POU2F1: variants seen among roughly 807,000 people sequenced by gnomAD.
The protein encoded by POU2F1 is POU domain, class 2, transcription factor 1.
Under a neutral mutation model 84.9 loss-of-function variants are expected in POU2F1, and 16 were observed. That is an observed-to-expected ratio of 0.19 (90% CI 0.13 to 0.29). POU2F1 has a LOEUF of 0.29. Among genes scored for constraint, POU2F1 ranks in the 10% least tolerant of loss-of-function variants. The pLI is 1.00. For synonymous variants in POU2F1, 368 were observed against 368.3 expected (o/e 1.00, Z 0.01); for missense variants, 738 against 942.6 (o/e 0.78, Z 2.84).
chr1:167,376,076 ACAG>A lies in POU2F1; in HGVS notation c.640_642del (p.Gln214del), dbSNP rs1660308240. On this transcript the variant is annotated inframe_deletion, in exon 7 of 16. Coordinates refer to ENST00000367866, the MANE Select transcript of POU2F1 (RefSeq NM_002697.4). ...TTCAACAGCAGAATCTCAACCTGCA[ACAG>A]TTTGTGTTGGTGCATCCAACCACCA... 4 of 1,614,096 alleles carry A rather than the reference ACAG, an allele frequency of 2.5e-6. No homozygotes were observed. The highest frequency in any genetic ancestry group is 3.4e-6 in the Non-Finnish European group (4 of 1,180,022).
chr1:167,411,479 G>T (rs1299493430), intron 13 of POU2F1, among the ~76,000 whole-genome samples: 2 of 151,984 alleles, frequency 1.3e-5, no homozygotes, highest in Non-Finnish European at 2.9e-5. Flanking sequence ...TGTAGAGAAG[G>T]CATGTAGTCA....
chr1:167,368,929 A>T (rs1659848750), intron 3 of POU2F1, among the ~76,000 whole-genome samples: 1 of 152,150 alleles, frequency 6.6e-6, no homozygotes, highest in East Asian at 1.9e-4. Context: ...ACCATTTTCC[A>T]GTTGCCCAGA....
intron 1 of POU2F1, among the ~76,000 whole-genome samples, chr1:167,237,761 TATATATATA>T (rs1481725610): frequency 3.1e-3 from 69 of 22,558 alleles, no homozygotes; most frequent in South Asian, 0.027. Flanking sequence ...TATATATATA[TATATATATA>T]TATTTTTTTT....
At chr1:167,300,270 G>A (rs1361092902) in intron 1 of POU2F1, among the ~76,000 whole-genome samples, 1 of 152,124 alleles carries the variant, frequency 6.6e-6, no homozygotes, top group African/African-American at 2.4e-5. Flanking sequence ...ACTCCAAAAC[G>A]GTCAGGAGGA....
At chr1:167,414,387 A>G in intron 15 of POU2F1, 2 of 985,414 alleles carry the variant, frequency 2.0e-6, no homozygotes, top group Non-Finnish European at 2.4e-6. Flanking sequence ...AAAAACTTCA[A>G]GCTGCACTGT....
At chr1:167,295,138 A>C (rs1571245543) in intron 1 of POU2F1, among the ~76,000 whole-genome samples, 1 of 151,906 alleles carries the variant, frequency 6.6e-6, no homozygotes, top group South Asian at 2.1e-4. Flanking sequence ...AAAAAACCTA[A>C]CAGTAGAAAT....
At chr1:167,275,613 T>G (rs1260867273) in intron 1 of POU2F1, among the ~76,000 whole-genome samples, 1 of 152,140 alleles carries the variant, frequency 6.6e-6, no homozygotes, top group African/African-American at 2.4e-5. Flanking sequence ...TCTTAACATT[T>G]GAATCACCTG....
At chr1:167,331,357 C>G (rs1237103575) in intron 1 of POU2F1, among the ~76,000 whole-genome samples, 1 of 151,912 alleles carries the variant, frequency 6.6e-6, no homozygotes, top group Admixed American at 6.6e-5. Context: ...AGAATTCTGT[C>G]TAGTGATTGT....
intron 1 of POU2F1, 67 bp downstream of exon 1, chr1:167,221,025 C>T: frequency 1.5e-6 from 2 of 1,331,982 alleles, no homozygotes; most frequent in Non-Finnish European, 2.1e-6. Context: ...CCCCCCCCCG[C>T]GACTTAGCAT....
intron 2 of POU2F1, among the ~76,000 whole-genome samples, chr1:167,361,456 GT>G (rs1013912375): frequency 1.3e-5 from 2 of 152,018 alleles, no homozygotes; most frequent in Non-Finnish European, 1.5e-5. Context: ...TTTTAATTCT[GT>G]TTGTGTAGTT....
intron 10 of POU2F1, 101 bp from the exon 11 acceptor site, chr1:167,397,893 G>C (rs1648924076): frequency 8.1e-7 from 1 of 1,236,178 alleles, no homozygotes; most frequent in South Asian, 1.5e-5. Flanking sequence ...TTCATACTTG[G>C]ATGTAGCTTA....
At chr1:167,293,332 A>G (rs111859049) in intron 1 of POU2F1, among the ~76,000 whole-genome samples, 7 of 152,332 alleles carry the variant, frequency 4.6e-5, no homozygotes, top group African/African-American at 1.2e-4. Context: ...CTGTACACCA[A>G]TGACCAAGCC....
chr1:167,381,711 A>G (rs1023521844), intron 7 of POU2F1, among the ~76,000 whole-genome samples: 1 of 148,052 alleles, frequency 6.8e-6, no homozygotes, highest in South Asian at 2.1e-4. Context: ...CCTGGGTTCA[A>G]GCAATTCTCT....
chr1:167,292,163 TTC>T (rs1653970039), intron 1 of POU2F1, among the ~76,000 whole-genome samples: 2 of 152,134 alleles, frequency 1.3e-5, no homozygotes, highest in Non-Finnish European at 2.9e-5. Context: ...TGACTTGGTT[TTC>T]TGTTACCATC....
chr1:167,343,408 G>T (rs1367089901), intron 2 of POU2F1, among the ~76,000 whole-genome samples: 1 of 151,980 alleles, frequency 6.6e-6, no homozygotes, highest in Non-Finnish European at 1.5e-5. Context: ...ATTAGAGATT[G>T]TCTATAATTT....
At chr1:167,243,931 C>T in intron 1 of POU2F1, among the ~76,000 whole-genome samples, 1 of 152,016 alleles carries the variant, frequency 6.6e-6, no homozygotes, top group Admixed American at 6.5e-5. Context: ...TGTTTTTTTC[C>T]CCTCTTATCC....
intron 1 of POU2F1, among the ~76,000 whole-genome samples, chr1:167,256,450 A>C (rs1482091259): frequency 6.6e-6 from 1 of 151,170 alleles, no homozygotes; most frequent in African/African-American, 2.4e-5. Context: ...AAATGATAAT[A>C]ATTGTTGTTG....
intron 2 of POU2F1, among the ~76,000 whole-genome samples, chr1:167,349,120 G>A (rs181789447): frequency 7.6e-4 from 115 of 152,008 alleles, no homozygotes; most frequent in Non-Finnish European, 1.5e-3. Context: ...ACGTGGCCAC[G>A]GTGTCTTCTA....
rs1483471165 is a variant in POU2F1 at position 167,420,478 on chromosome 1, A to C, written c.*4668A>C. The C allele has an allele frequency of 6.6e-6, 1 of 152,230 alleles. No individual in the cohort carries two copies. The highest frequency in any genetic ancestry group is 1.5e-5 in the Non-Finnish European group (1 of 68,094). 9.4% of individuals were successfully genotyped at this position (152,230 alleles called of 1,614,324 possible). On this transcript the variant is annotated 3_prime_UTR_variant, in exon 16 of 16. Coordinates refer to ENST00000367866, the MANE Select transcript of POU2F1 (RefSeq NM_002697.4). ...TGCCCATCCTCATGTCAATTTTTAAAGTGATAAATCCTGATATTATACATT... is the reference window on the plus strand; with the variant it reads ...TGCCCATCCTCATGTCAATTTTTAACGTGATAAATCCTGATATTATACATT...
Sources: allele counts gnomAD v4.1 joint callset (sites outside exome capture counted in the v4.1 genomes callset), GRCh38; gene constraint gnomAD v4.1.1; transcripts MANE v1.5; gene names NCBI Gene and HGNC (gene_info 2026-07-23, HGNC 2026-07-21).